Variants in EHD3 observed in about 807,000 individuals in gnomAD.
EHD3 encodes the protein EH domain-containing protein 3.
Under a neutral mutation model 43.0 loss-of-function variants are expected in EHD3, and 17 were observed. The observed-to-expected ratio is 0.40, with a 90% CI of 0.27 to 0.59. The LOEUF (loss-of-function observed/expected upper bound fraction) is 0.59. Among genes scored for constraint, EHD3 ranks in the 20% least tolerant of loss-of-function variants. The pLI is 0.49. For synonymous variants in EHD3, 313 were observed against 289.5 expected (o/e 1.08, Z -0.82); for missense variants, 594 against 705.6 (o/e 0.84, Z 1.79).
chr2:31,252,483 G>C (rs1294766128), intron 3 of EHD3, among the ~76,000 whole-genome samples: 2 of 152,166 alleles, frequency 1.3e-5, no homozygotes, highest in Non-Finnish European at 2.9e-5. Flanking sequence ...TGTTGCTGTT[G>C]TTGTTGTTTT....
At chr2:31,261,833 G>A in intron 5 of EHD3, 120 bp downstream of exon 5, 1 of 1,077,722 alleles carries the variant, frequency 9.3e-7, no homozygotes, top group Non-Finnish European at 1.2e-6. Flanking sequence ...AGAATCTGCA[G>A]GCAAGGAGGT....
Position 31,266,795 on chromosome 2 carries a change from A to ACACACACAC in EHD3, c.*91_*92insCACACACAC. The ACACACACAC allele has an allele frequency of 9.7e-7, 1 of 1,034,850 alleles. No individual in the cohort carries two copies. The highest frequency in any genetic ancestry group is 1.4e-6 in the Non-Finnish European group (1 of 738,592). The allele number at this position is 1,034,850 out of a possible 1,614,324, so 64.1% of individuals were successfully genotyped here. ...ACACACACACACACACACACACACAAACATGCACACACACATATGCATATC... is the reference window on the plus strand; with the variant it reads ...ACACACACACACACACACACACACAACACACACACACATGCACACACACATATGCATATC... On this transcript the variant is annotated 3_prime_UTR_variant, in exon 6 of 6. Transcript: ENST00000322054. The surrounding 1 kb of genome is among the most constrained non-coding windows in gnomAD (Gnocchi z 5.1).
Position 31,266,332 on chromosome 2 carries a change from A to T in EHD3, c.1236A>T (p.Gly412=). Residue 412 remains glycine (G), a synonymous_variant, in exon 6 of 6, where the codon GGA becomes GGT. Coordinates refer to ENST00000322054, the MANE Select transcript of EHD3 (RefSeq NM_014600.3). This position sits in a 1 kb window ranked among gnomAD's most constrained non-coding sequence, Gnocchi z 5.1. ...GGCCCATCCAGATGGTGAAGGGCGGAGCGTTCGAGGGCACCCTGCACGGCC... is the reference window on the plus strand; with the variant it reads ...GGCCCATCCAGATGGTGAAGGGCGGTGCGTTCGAGGGCACCCTGCACGGCC... The part of the protein sequence containing the change: ...SQRPIQMVKG[G]AFEGTLHGPF... The T allele has an allele frequency of 6.2e-7, 1 of 1,614,106 alleles. No individual in the cohort carries two copies. Among genetic ancestry groups the T allele is most frequent in the Non-Finnish European group, 8.5e-7 (1 of 1,180,004 alleles).
intron 3 of EHD3, among the ~76,000 whole-genome samples, chr2:31,259,509 C>T (rs1460085625): frequency 3.3e-5 from 5 of 152,170 alleles, no homozygotes; most frequent in Admixed American, 6.5e-5. Context: ...TTCTCTGGGG[C>T]TCCTGTAACC....
chr2:31,254,364 A>G (rs748524963), intron 3 of EHD3, among the ~76,000 whole-genome samples: 8 of 152,110 alleles, frequency 5.3e-5, no homozygotes, highest in Non-Finnish European at 1.2e-4. Context: ...GCCTGCACTT[A>G]AAGGCCTCTG....
rs776963239 is a variant in EHD3 at position 31,261,618 on chromosome 2, A to C, written c.985A>C (p.Lys329Gln). 1.9e-6 allele frequency: 3 copies of C among 1,614,066 alleles called. No individual in the cohort carries two copies. In the East Asian group the frequency reaches 6.7e-5, roughly 36 times the overall value. The change falls in exon 5 of 6, where the codon AAG becomes CAG. Residue 329 changes from lysine to glutamine, a missense_variant. Physicochemically the swap from Lys to Gln is moderately conservative, Grantham distance 53. Coordinates refer to ENST00000322054, the MANE Select transcript of EHD3 (RefSeq NM_014600.3). ...PSVFGKDNKK[K>Q]ELVNNLAEIY... Reference sequence around the variant, plus strand: ...GGTGTTCGGGAAGGACAACAAGAAGAAGGAGCTGGTCAACAACCTGGCCGA... The same window carrying C: ...GGTGTTCGGGAAGGACAACAAGAAGCAGGAGCTGGTCAACAACCTGGCCGA...
At chr2:31,262,587 A>C (rs895771145) in intron 5 of EHD3, among the ~76,000 whole-genome samples, 12 of 152,370 alleles carry the variant, frequency 7.9e-5, no homozygotes, top group African/African-American at 2.6e-4. Flanking sequence ...GCACCCACCC[A>C]CTGTACAATG....
At chr2:31,248,032 C>T (rs1474027598) in intron 2 of EHD3, among the ~76,000 whole-genome samples, 1 of 152,170 alleles carries the variant, frequency 6.6e-6, no homozygotes, top group African/African-American at 2.4e-5. Context: ...CAGGCATGTC[C>T]ATTGAAACGA....
intron 1 of EHD3, among the ~76,000 whole-genome samples, chr2:31,237,256 A>T (rs905561430): frequency 5.3e-5 from 8 of 151,914 alleles, no homozygotes; most frequent in African/African-American, 1.9e-4. Flanking sequence ...TAATCCCATG[A>T]CTTAGGAGAA....
chr2:31,264,644 C>G (rs1683911578), intron 5 of EHD3, among the ~76,000 whole-genome samples: 1 of 149,902 alleles, frequency 6.7e-6, no homozygotes, highest in African/African-American at 2.5e-5. Flanking sequence ...AGCGATTCTC[C>G]TCAGCCTCCC....
chr2:31,266,788 A>ACACACACG lies in EHD3; in HGVS notation c.*90_*91insCGCACACA. The ACACACACG allele has an allele frequency of 7.1e-7, 1 of 1,400,178 alleles. No homozygotes were observed. The highest frequency in any genetic ancestry group is 9.6e-7 in the Non-Finnish European group (1 of 1,037,198). The allele number at this position is 1,400,178 out of a possible 1,614,324, so 86.7% of individuals were successfully genotyped here. A position where few individuals can be genotyped will look rare whatever the true frequency, so the allele number is the denominator to read the frequency against. On this transcript the variant is annotated 3_prime_UTR_variant, in exon 6 of 6. Coordinates refer to ENST00000322054, the MANE Select transcript of EHD3 (RefSeq NM_014600.3). This position sits in a 1 kb window ranked among gnomAD's most constrained non-coding sequence, Gnocchi z 5.1. Reference sequence around the variant, plus strand: ...CACACACACACACACACACACACACACACACAAACATGCACACACACATAT... The same window carrying ACACACACG: ...CACACACACACACACACACACACACACACACACGCACACAAACATGCACACACACATAT...
At chr2:31,265,258 C>T (rs1022334626) in intron 5 of EHD3, among the ~76,000 whole-genome samples, 1 of 152,156 alleles carries the variant, frequency 6.6e-6, no homozygotes, top group Non-Finnish European at 1.5e-5. Context: ...TTTACATAAA[C>T]CAGTAACATA....
intron 3 of EHD3, among the ~76,000 whole-genome samples, chr2:31,253,065 T>C (rs1281639987): frequency 6.6e-6 from 1 of 151,968 alleles, no homozygotes; most frequent in Non-Finnish European, 1.5e-5. Context: ...AACCCCTTTC[T>C]TTCTCACAAT....
chr2:31,250,773 G>A (rs1683620507), intron 3 of EHD3, among the ~76,000 whole-genome samples: 1 of 152,166 alleles, frequency 6.6e-6, no homozygotes, highest in South Asian at 2.1e-4. Flanking sequence ...TAGTTGCCAG[G>A]GCTGGAGCCA....
chr2:31,250,468 A>G (rs931980861), intron 3 of EHD3, among the ~76,000 whole-genome samples: 6 of 152,028 alleles, frequency 3.9e-5, no homozygotes, highest in African/African-American at 1.4e-4. Context: ...GAGTTTTACC[A>G]TGTTGGCCAG....
intron 5 of EHD3, among the ~76,000 whole-genome samples, chr2:31,264,641 C>G (rs1353111673): frequency 3.5e-5 from 4 of 115,412 alleles, no homozygotes; most frequent in Non-Finnish European, 5.7e-5. Flanking sequence ...TCAAGCGATT[C>G]TCCTCAGCCT....
chr2:31,242,723 C>A (rs1683445506), intron 1 of EHD3, among the ~76,000 whole-genome samples: 1 of 151,976 alleles, frequency 6.6e-6, no homozygotes. Flanking sequence ...TTGGGATAGG[C>A]CGAGGCAGGT....
In EHD3 at chr2:31,234,743, G is replaced by C; in HGVS notation, c.122G>C (p.Arg41Pro). 1.9e-6 allele frequency: 3 copies of C among 1,614,190 alleles called. No individual in the cohort carries two copies. Among genetic ancestry groups the C allele is most frequent in the Non-Finnish European group, 1.7e-6 (2 of 1,180,030 alleles). ...CTGCTGCCCTTGGAAGAGCATTACC[G>C]CTTCCACGAGTTCCACTCGCCCGCC... ...SKLLPLEEHY[R>P]FHEFHSPALE... The change falls in exon 1 of 6, where the codon CGC becomes CCC. Residue 41 changes from arginine to proline, a missense_variant. Physicochemically the swap from Arg to Pro is moderately radical, Grantham distance 103. Coordinates refer to ENST00000322054, the MANE Select transcript of EHD3 (RefSeq NM_014600.3).
At chr2:31,241,899 A>G (rs1308208823) in intron 1 of EHD3, among the ~76,000 whole-genome samples, 1 of 152,208 alleles carries the variant, frequency 6.6e-6, no homozygotes, top group Non-Finnish European at 1.5e-5. Context: ...CCAGCTTTCA[A>G]AGTGATCCTC....
Sources: allele counts gnomAD v4.1 joint callset (sites outside exome capture counted in the v4.1 genomes callset), GRCh38; gene constraint gnomAD v4.1.1; non-coding constraint Gnocchi (gnomAD v3.1); transcripts MANE v1.5; gene names NCBI Gene and HGNC (gene_info 2026-07-23, HGNC 2026-07-21).